The following ZNF804B variants were observed in gnomAD, a reference collection of about 807,000 sequenced individuals.
The protein encoded by ZNF804B is zinc finger 804B.
Under a neutral mutation model 101.4 loss-of-function variants are expected in ZNF804B, and 80 were observed. The ratio of observed to expected loss-of-function variants is 0.79; its 90% CI spans 0.66 to 0.95. The LOEUF is 0.95. Among genes scored for constraint, ZNF804B ranks in the 40% least tolerant of loss-of-function variants. ZNF804B has a pLI of 0.00. For synonymous variants in ZNF804B, 622 were observed against 558.8 expected, an observed-to-expected ratio of 1.11 and a Z score of -1.59; for missense variants, 1,673 against 1,561.9, an observed-to-expected ratio of 1.07 and a Z score of -1.20.
At chr7:89,090,738 T>G (rs146522006) in intron 1 of ZNF804B, among the ~76,000 whole-genome samples, 90 of 152,146 alleles carry the variant, frequency 5.9e-4, no homozygotes, top group African/African-American at 2.0e-3. Flanking sequence ...CTTTTCCCCT[T>G]CAAAAAATAC....
At chr7:88,854,982 A>G (rs372065066) in intron 1 of ZNF804B, among the ~76,000 whole-genome samples, 2,476 of 151,614 alleles carry the variant, frequency 0.016, 51 homozygotes, top group African/African-American at 0.041. Flanking sequence ...TATGTGCCAC[A>G]TTTTCTTAAT....
At chr7:89,141,032 A>G (rs1790708923) in intron 1 of ZNF804B, among the ~76,000 whole-genome samples, 1 of 152,004 alleles carries the variant, frequency 6.6e-6, no homozygotes, top group African/African-American at 2.4e-5. Flanking sequence ...TAATTTCAAT[A>G]TTGTTATATC....
intron 2 of ZNF804B, among the ~76,000 whole-genome samples, chr7:89,315,044 AC>A (rs1241013097): frequency 6.6e-6 from 1 of 152,204 alleles, no homozygotes; most frequent in African/African-American, 2.4e-5. Context: ...TGCAGACTGC[AC>A]AGGAAGTATG....
chr7:88,920,265 T>C (rs530740895), intron 1 of ZNF804B, among the ~76,000 whole-genome samples: 2 of 152,224 alleles, frequency 1.3e-5, no homozygotes, highest in African/African-American at 4.8e-5. Context: ...TCCTGGCTTA[T>C]AGTACAGTAT....
chr7:88,918,974 C>A (rs536711978), intron 1 of ZNF804B, among the ~76,000 whole-genome samples: 3 of 152,168 alleles, frequency 2.0e-5, no homozygotes, highest in African/African-American at 7.2e-5. Context: ...GGACAATTTT[C>A]ATTTTACTTG....
At chr7:89,020,055 G>C (rs966155468) in intron 1 of ZNF804B, among the ~76,000 whole-genome samples, 1 of 152,004 alleles carries the variant, frequency 6.6e-6, no homozygotes, top group African/African-American at 2.4e-5. Context: ...ATGGTTTTTA[G>C]TAGTTATAAG....
At chr7:88,964,389 TG>T (rs946408801) in intron 1 of ZNF804B, among the ~76,000 whole-genome samples, 3 of 151,484 alleles carry the variant, frequency 2.0e-5, no homozygotes, top group Admixed American at 6.6e-5. Context: ...TGGGTGAACC[TG>T]GAAAACATTA....
rs867056264 is a variant in ZNF804B, at chr7:88,854,442, T to C, written c.108+94358T>C. Reference sequence around the variant, plus strand: ...TTCTTTCTTTCTTTCTTTCTTTCTTTCTTTCTTTCTTTCTTTCTTTCTTTC... The same window carrying C: ...TTCTTTCTTTCTTTCTTTCTTTCTTCCTTTCTTTCTTTCTTTCTTTCTTTC... On this transcript the variant is annotated intron_variant, in intron 1 of 3. Transcript: ENST00000333190. Among the ~76,000 whole-genome samples the C allele has an allele frequency of 2.4e-3, 299 of 126,022 alleles. 1 individual carries two copies. Among genetic ancestry groups the C allele is most frequent in the African/African-American group, 9.1e-3 (279 of 30,618 alleles). 82.7% of individuals were successfully genotyped at this position (126,022 alleles called of 152,430 possible).
intron 1 of ZNF804B, among the ~76,000 whole-genome samples, chr7:89,087,097 C>T (rs1300476547): frequency 1.3e-5 from 2 of 149,854 alleles, no homozygotes; most frequent in Non-Finnish European, 3.0e-5. Context: ...TTTCGAAGGA[C>T]TCAGTGCACT....
chr7:89,107,910 T>G (rs949542255), intron 1 of ZNF804B, among the ~76,000 whole-genome samples: 1 of 152,022 alleles, frequency 6.6e-6, no homozygotes, highest in Non-Finnish European at 1.5e-5. Flanking sequence ...AGTGGGTCCT[T>G]CCCGGAAGGT....
intron 1 of ZNF804B, among the ~76,000 whole-genome samples, chr7:88,895,257 G>A (rs192049190): frequency 1.3e-5 from 2 of 152,286 alleles, no homozygotes; most frequent in Admixed American, 1.3e-4. Context: ...GTACATGGAA[G>A]TGGAACAAAT....
chr7:88,860,569 C>A (rs917683559), intron 1 of ZNF804B, among the ~76,000 whole-genome samples: 1 of 151,986 alleles, frequency 6.6e-6, no homozygotes, highest in Non-Finnish European at 1.5e-5. Flanking sequence ...CATGTGAATT[C>A]TTTATCAGCA....
chr7:89,193,883 G>A lies in ZNF804B; in HGVS notation c.109-24272G>A, dbSNP rs551095510. On this transcript the variant is annotated intron_variant, in intron 1 of 3. Coordinates refer to ENST00000333190, the MANE Select transcript of ZNF804B (RefSeq NM_181646.5). ...TCTAGTTCTAGATCCCTGAGGAATCGCCACACTGACTTCCACAATGGTTGA... is the reference window on the plus strand; with the variant it reads ...TCTAGTTCTAGATCCCTGAGGAATCACCACACTGACTTCCACAATGGTTGA... Among the ~76,000 whole-genome samples, 995 of 152,098 alleles carry A rather than the reference G, an allele frequency of 6.5e-3. 10 individuals are homozygous for A. Among genetic ancestry groups the A allele is most frequent in the African/African-American group, 0.023 (950 of 41,492 alleles).
chr7:89,277,762 G>C (rs912781884), intron 2 of ZNF804B, among the ~76,000 whole-genome samples: 19 of 151,712 alleles, frequency 1.3e-4, no homozygotes. Context: ...TTGGACATTT[G>C]TGTTGGTTCC....
intron 1 of ZNF804B, among the ~76,000 whole-genome samples, chr7:89,005,426 A>G (rs985505588): frequency 3.3e-5 from 5 of 152,052 alleles, no homozygotes; most frequent in Non-Finnish European, 7.4e-5. Context: ...GTTATAGAAC[A>G]TTTTTAATAC....
intron 1 of ZNF804B, among the ~76,000 whole-genome samples, chr7:89,025,219 G>A (rs994956138): frequency 1.3e-5 from 2 of 152,074 alleles, no homozygotes; most frequent in African/African-American, 4.8e-5. Context: ...TATGATAGTA[G>A]TCATAGACTT....
At chr7:89,331,884 A>G (rs1291218383) in intron 3 of ZNF804B, among the ~76,000 whole-genome samples, 1 of 151,606 alleles carries the variant, frequency 6.6e-6, no homozygotes, top group Non-Finnish European at 1.5e-5. Context: ...CAGATAAATC[A>G]AGGGAAAAAA....
In ZNF804B at chr7:89,334,595, C is replaced by T. The variant is rs1011525886; in HGVS notation, c.1613C>T (p.Thr538Met). The T allele has an allele frequency of 3.7e-6, 6 of 1,613,502 alleles. No individual in the cohort carries two copies. Among genetic ancestry groups the T allele is most frequent in the East Asian group, 2.2e-5 (1 of 44,852 alleles). The change falls in exon 4 of 4, where the codon ACG becomes ATG. Residue 538 changes from threonine to methionine, a missense_variant. Thr to Met is a moderately conservative substitution (Grantham distance 81). Coordinates refer to ENST00000333190, the MANE Select transcript of ZNF804B (RefSeq NM_181646.5). ...QEDYQYPKPK[T>M]MIANPDWEKF... is the part of the protein sequence containing the mutation. Reference sequence around the variant, plus strand: ...GATTATCAATATCCGAAACCAAAGACGATGATAGCTAATCCGGATTGGGAA... The same window carrying T: ...GATTATCAATATCCGAAACCAAAGATGATGATAGCTAATCCGGATTGGGAA...
chr7:88,894,158 A>T (rs761826386), intron 1 of ZNF804B, among the ~76,000 whole-genome samples: 1 of 152,116 alleles, frequency 6.6e-6, no homozygotes, highest in Non-Finnish European at 1.5e-5. Flanking sequence ...TAGATTAAAC[A>T]TTACAGTGAA....
Sources: gnomAD v4.1 joint callset for allele counts (sites outside exome capture counted in the v4.1 genomes callset) on GRCh38, gnomAD v4.1.1 for gene constraint, MANE v1.5 for transcripts, NCBI Gene and HGNC (gene_info 2026-07-23, HGNC 2026-07-21) for gene names.